ERBB4: variants seen among roughly 807,000 people sequenced by gnomAD.
The protein encoded by ERBB4 is erb-b2 receptor tyrosine kinase 4, also known as receptor tyrosine-protein kinase erbB-4.
ERBB4 carries 42 observed loss-of-function variants against 158.0 expected under a neutral mutation model. That is an observed-to-expected ratio of 0.27 (90% CI 0.21 to 0.34). The LOEUF is 0.34. Among genes scored for constraint, ERBB4 ranks in the 10% least tolerant of loss-of-function variants. The probability of loss-of-function intolerance (pLI) is 1.00; values close to 1 mark genes in which losing one functional copy is unlikely to be tolerated. For missense variants in ERBB4, 1,333 were observed against 1,624.1 expected, an observed-to-expected ratio of 0.82 and a Z score of 3.08; for synonymous variants, 583 against 558.7, an observed-to-expected ratio of 1.04 and a Z score of -0.61.
chr2:211,773,580 G>A (rs1165665806), intron 4 of ERBB4, among the ~76,000 whole-genome samples: 1 of 103,418 alleles, frequency 9.7e-6, no homozygotes, highest in East Asian at 3.3e-4. Context: ...AGAAAGTAAG[G>A]ATTATACTTC....
At chr2:211,501,201 T>C (rs934140006) in intron 20 of ERBB4, among the ~76,000 whole-genome samples, 15 of 151,918 alleles carry the variant, frequency 9.9e-5, no homozygotes, top group African/African-American at 3.6e-4. Context: ...GAAGAAAGAT[T>C]TATAAAATAA....
intron 3 of ERBB4, among the ~76,000 whole-genome samples, chr2:211,924,670 T>C (rs765650255): frequency 6.6e-6 from 1 of 152,140 alleles, no homozygotes; most frequent in Non-Finnish European, 1.5e-5. Context: ...ACATACAACA[T>C]TGTGGACAGC....
At chr2:211,424,352 A>AT (rs1559154162) in intron 22 of ERBB4, 51 bp from the exon 23 acceptor site, 1 of 1,297,660 alleles carries the variant, frequency 7.7e-7, no homozygotes, top group South Asian at 1.2e-5. Flanking sequence ...CATATGTTGA[A>AT]CAAACCAGCA....
intron 19 of ERBB4, among the ~76,000 whole-genome samples, chr2:211,614,371 T>C (rs1195079222): frequency 6.6e-6 from 1 of 152,046 alleles, no homozygotes; most frequent in Non-Finnish European, 1.5e-5. Flanking sequence ...GAGGTTACTA[T>C]AGTCAATGGT....
chr2:211,642,199 A>AT (rs2070620975), intron 16 of ERBB4, among the ~76,000 whole-genome samples: 1 of 152,130 alleles, frequency 6.6e-6, no homozygotes, highest in Admixed American at 6.6e-5. Context: ...CTCTCATCAC[A>AT]TTTTTAGTCT....
At chr2:211,897,192 A>G (rs549991090) in intron 3 of ERBB4, among the ~76,000 whole-genome samples, 109 of 151,978 alleles carry the variant, frequency 7.2e-4, no homozygotes, top group African/African-American at 2.4e-3. Flanking sequence ...CTGCTTTACT[A>G]TAGTCTTACA....
rs1157796562 is a variant in ERBB4, at chr2:212,305,191, G to A, written c.83-180288C>T. ...CTTCTTGATTTTTGTACATTTAGCA[G>A]AACCAAATCTATTCCCTAAGTCATT... is the stretch of plus-strand genomic sequence containing the variant. On this transcript the variant is annotated intron_variant, in intron 1 of 27. Coordinates refer to ENST00000342788, the MANE Select transcript of ERBB4 (RefSeq NM_005235.3). Among the ~76,000 whole-genome samples the A allele has an allele frequency of 3.3e-5, 5 of 151,244 alleles. No individual in the cohort carries two copies. The South Asian group carries it at 8.3e-4, about 25-fold the overall frequency.
At chr2:212,008,373 T>C (rs748681330) in intron 2 of ERBB4, among the ~76,000 whole-genome samples, 1 of 152,076 alleles carries the variant, frequency 6.6e-6, no homozygotes, top group African/African-American at 2.4e-5. Context: ...GAAACAAATG[T>C]CAAAATGACA....
intron 1 of ERBB4, among the ~76,000 whole-genome samples, chr2:212,341,275 A>G (rs912458969): frequency 1.3e-5 from 2 of 151,916 alleles, no homozygotes; most frequent in African/African-American, 2.4e-5. Context: ...GGTACTAAGT[A>G]TTATCTTAGA....
At chr2:212,484,143 TA>T (rs1689857345) in intron 1 of ERBB4, among the ~76,000 whole-genome samples, 1 of 152,282 alleles carries the variant, frequency 6.6e-6, no homozygotes, top group East Asian at 1.9e-4. Flanking sequence ...AAGCTAAAAA[TA>T]AAAACTCAGT....
At chr2:211,819,162 T>G (rs1051702101) in intron 3 of ERBB4, among the ~76,000 whole-genome samples, 6 of 152,068 alleles carry the variant, frequency 3.9e-5, no homozygotes. Flanking sequence ...GATAAAATCA[T>G]TTTTTGCATT....
At chr2:211,820,523 A>G (rs1287531556) in intron 3 of ERBB4, among the ~76,000 whole-genome samples, 2 of 151,918 alleles carry the variant, frequency 1.3e-5, no homozygotes, top group Admixed American at 6.6e-5. Context: ...AAGATTTAAT[A>G]CCAATTCTTT....
At chr2:212,272,455 T>C (rs1200118019) in intron 1 of ERBB4, among the ~76,000 whole-genome samples, 3 of 151,764 alleles carry the variant, frequency 2.0e-5, no homozygotes, top group Admixed American at 2.0e-4. Flanking sequence ...AGGAATAATG[T>C]GGCATTTCCA....
intron 1 of ERBB4, among the ~76,000 whole-genome samples, chr2:212,469,398 A>T (rs1468278939): frequency 2.0e-5 from 3 of 152,146 alleles, no homozygotes; most frequent in Non-Finnish European, 4.4e-5. Context: ...ATGGATTTAT[A>T]TTTCTACACT....
chr2:212,514,108 T>C (rs1305043742), intron 1 of ERBB4, among the ~76,000 whole-genome samples: 3 of 152,186 alleles, frequency 2.0e-5, no homozygotes, highest in African/African-American at 7.2e-5. Flanking sequence ...ATTCACTTTT[T>C]TCTCACTTTA....
intron 2 of ERBB4, among the ~76,000 whole-genome samples, chr2:212,123,439 A>C (rs180876338): frequency 6.6e-6 from 1 of 152,310 alleles, no homozygotes; most frequent in African/African-American, 2.4e-5. Flanking sequence ...AAAAAACAAA[A>C]AAGTAAGTTC....
At chr2:212,218,512 G>T (rs921550808) in intron 1 of ERBB4, among the ~76,000 whole-genome samples, 4 of 151,316 alleles carry the variant, frequency 2.6e-5, no homozygotes, top group South Asian at 2.1e-4. Flanking sequence ...GCCAGGCCAT[G>T]TTCTCATAAG....
chr2:212,490,281 AC>A (rs1321337615), intron 1 of ERBB4, among the ~76,000 whole-genome samples: 1 of 151,892 alleles, frequency 6.6e-6, no homozygotes, highest in Non-Finnish European at 1.5e-5. Flanking sequence ...AGCTTCTAGC[AC>A]AATGCCTTGC....
chr2:211,571,035 CT>C (rs755662213), intron 19 of ERBB4, among the ~76,000 whole-genome samples: 6,442 of 80,930 alleles, frequency 0.08, 194 homozygotes, highest in South Asian at 0.14. Flanking sequence ...TCTGAGTACT[CT>C]TCTTCTTTTT....
Sources: gnomAD v4.1 joint callset for allele counts (sites outside exome capture counted in the v4.1 genomes callset) on GRCh38, gnomAD v4.1.1 for gene constraint, MANE v1.5 for transcripts, NCBI Gene and HGNC (gene_info 2026-07-23, HGNC 2026-07-21) for gene names.